PTPRN2: variants seen among roughly 807,000 people sequenced by gnomAD.
PTPRN2 encodes the protein protein tyrosine phosphatase receptor type N2.
Under a neutral mutation model 118.8 loss-of-function variants are expected in PTPRN2, and 74 were observed. That is an observed-to-expected ratio of 0.62 (90% CI 0.52 to 0.76). The LOEUF is 0.76. Among genes scored for constraint, PTPRN2 ranks in the 30% least tolerant of loss-of-function variants. The pLI is 0.00. For synonymous variants in PTPRN2, 641 were observed against 608.0 expected (o/e 1.05, Z -0.80); for missense variants, 1,481 against 1,394.4 (o/e 1.06, Z -0.99).
chr7:158,136,613 T>TC, intron 8 of PTPRN2, 42 bp downstream of exon 8: 1 of 1,594,570 alleles, frequency 6.3e-7, no homozygotes, highest in South Asian at 1.1e-5. Flanking sequence ...ATCACCAACT[T>TC]CCACATTTAA....
rs190465419 is a variant in PTPRN2, at chr7:158,125,403, G to A, written c.1556+8274C>T. On this transcript the variant is annotated intron_variant, in intron 9 of 22. Coordinates refer to ENST00000389418, the MANE Select transcript of PTPRN2 (RefSeq NM_002847.5). ...CCCCCCTGCCTCGCGTACTTCCCAC[G>A]GCCGCTCCCAGCAGGATGGGCTGGA... Among the ~76,000 whole-genome samples the A allele has an allele frequency of 3.0e-3, 457 of 151,976 alleles. 3 individuals carry two copies. The highest frequency in any genetic ancestry group is 0.011 in the African/African-American group (439 of 41,258).
intron 11 of PTPRN2, among the ~76,000 whole-genome samples, chr7:157,998,247 G>A (rs1331677769): frequency 6.6e-6 from 1 of 152,112 alleles, no homozygotes; most frequent in Admixed American, 6.5e-5. Context: ...TTTTAATTAA[G>A]TGCCTTACCA....
chr7:157,998,425 G>A (rs1035864746), intron 11 of PTPRN2, among the ~76,000 whole-genome samples: 4 of 152,194 alleles, frequency 2.6e-5, no homozygotes, highest in African/African-American at 4.8e-5. Flanking sequence ...TGCGTGAGAC[G>A]CGGAGGAGCA....
intron 14 of PTPRN2, among the ~76,000 whole-genome samples, chr7:157,637,108 CA>C (rs1263087269): frequency 6.6e-6 from 1 of 152,142 alleles, no homozygotes; most frequent in African/African-American, 2.4e-5. Context: ...ATTCCTTATT[CA>C]ATGAGAAAAG....
intron 2 of PTPRN2, among the ~76,000 whole-genome samples, chr7:158,383,021 T>TTACAGCCTA (rs1563224914): frequency 6.6e-6 from 1 of 152,146 alleles, no homozygotes; most frequent in Non-Finnish European, 1.5e-5. Flanking sequence ...GACCACTGTC[T>TTACAGCCTA]TACAGCCTAT....
intron 2 of PTPRN2, among the ~76,000 whole-genome samples, chr7:158,351,820 A>G (rs962397913): frequency 6.6e-5 from 10 of 152,066 alleles, no homozygotes; most frequent in African/African-American, 2.4e-4. Flanking sequence ...GTAGCAGAAC[A>G]GGAAGTACTG....
chr7:158,191,428 A>G (rs540278596), intron 5 of PTPRN2, among the ~76,000 whole-genome samples: 2 of 151,862 alleles, frequency 1.3e-5, no homozygotes, highest in South Asian at 2.1e-4. Context: ...CAAACCCCCA[A>G]TGTCCCCAGG....
chr7:157,641,742 C>T (rs969494272), intron 14 of PTPRN2, among the ~76,000 whole-genome samples: 1 of 152,200 alleles, frequency 6.6e-6, no homozygotes, highest in Non-Finnish European at 1.5e-5. Flanking sequence ...CTGGCTCATG[C>T]ATCCTAAGTG....
At chr7:158,199,557 A>G (rs1177121367) in intron 4 of PTPRN2, among the ~76,000 whole-genome samples, 3 of 152,202 alleles carry the variant, frequency 2.0e-5, no homozygotes, top group African/African-American at 7.2e-5. Context: ...AAGTTACTCA[A>G]TCTCTGGAGA....
chr7:158,121,819 G>A (rs1411890370), intron 9 of PTPRN2, among the ~76,000 whole-genome samples: 5 of 152,200 alleles, frequency 3.3e-5, no homozygotes, highest in Admixed American at 1.3e-4. Flanking sequence ...CCTCAGCCTG[G>A]CAAGGGTGAC....
At chr7:158,557,601 A>G (rs2335160) in intron 1 of PTPRN2, among the ~76,000 whole-genome samples, 32,010 of 152,178 alleles carry the variant, frequency 0.21, 3,672 homozygotes, top group East Asian at 0.42. Context: ...CTCTCTGAAG[A>G]GCTGAGAACA....
chr7:158,006,086 C>T (rs1411003626), intron 11 of PTPRN2, among the ~76,000 whole-genome samples: 1 of 152,196 alleles, frequency 6.6e-6, no homozygotes. Flanking sequence ...CTGCTGTGAA[C>T]CTCTCCCTTC....
chr7:157,625,706 C>T (rs1669716784), intron 14 of PTPRN2, among the ~76,000 whole-genome samples: 3 of 152,118 alleles, frequency 2.0e-5, no homozygotes, highest in Admixed American at 2.0e-4. Flanking sequence ...TAAATACCAC[C>T]TGTACCCCAA....
At chr7:157,828,054 C>T (rs377322919) in intron 12 of PTPRN2, among the ~76,000 whole-genome samples, 28 of 152,174 alleles carry the variant, frequency 1.8e-4, no homozygotes, top group Non-Finnish European at 2.9e-4. Context: ...TTCACGGCCA[C>T]GGAAGTACAT....
chr7:157,923,972 G>A lies in PTPRN2; in HGVS notation c.1724-25235C>T, dbSNP rs369796469. ...TTTGGTGTGCTGTTTGGGTTGGACCGTATCTCAGCACTGTGTTCCATTCTG... is the reference window on the plus strand; with the variant it reads ...TTTGGTGTGCTGTTTGGGTTGGACCATATCTCAGCACTGTGTTCCATTCTG... On this transcript the variant is annotated intron_variant, in intron 11 of 22. Transcript: ENST00000389418. 1.8e-4 allele frequency among the ~76,000 whole-genome samples: 28 copies of A among 152,296 alleles called. No individual in the cohort carries two copies. The East Asian group carries it at 3.5e-3, about 19-fold the overall frequency.
chr7:158,162,997 G>C (rs949563899), intron 6 of PTPRN2, among the ~76,000 whole-genome samples: 1 of 152,160 alleles, frequency 6.6e-6, no homozygotes, highest in African/African-American at 2.4e-5. Flanking sequence ...CTCCCTTCCT[G>C]CTCGGGTGCA....
At chr7:158,308,651 A>C (rs2151067248) in intron 3 of PTPRN2, among the ~76,000 whole-genome samples, 1 of 150,986 alleles carries the variant, frequency 6.6e-6, no homozygotes, top group East Asian at 2.0e-4. Flanking sequence ...TAATTCAACT[A>C]GATTATTATA....
At chr7:158,168,855 C>T (rs931307346) in intron 5 of PTPRN2, among the ~76,000 whole-genome samples, 1 of 152,162 alleles carries the variant, frequency 6.6e-6, no homozygotes, top group Non-Finnish European at 1.5e-5. Context: ...TGTGAAAAGT[C>T]CCCACATTGT....
At chr7:158,323,056 C>A (rs1273449374) in intron 2 of PTPRN2, among the ~76,000 whole-genome samples, 1 of 152,222 alleles carries the variant, frequency 6.6e-6, no homozygotes, top group Non-Finnish European at 1.5e-5. Flanking sequence ...CATGCACAGA[C>A]AGGCTTGTGG....
Sources: allele counts gnomAD v4.1 joint callset (sites outside exome capture counted in the v4.1 genomes callset), GRCh38; gene constraint gnomAD v4.1.1; transcripts MANE v1.5; gene names NCBI Gene and HGNC (gene_info 2026-07-23, HGNC 2026-07-21).